Variants in CBLN2 observed in about 807,000 individuals in gnomAD.
CBLN2 encodes the protein cerebellin 2 precursor, also known as cerebellin-2.
In CBLN2, 7 loss-of-function variants were observed where a neutral mutation model predicts 15.0. The observed-to-expected ratio is 0.47, with a 90% CI of 0.27 to 0.88. The LOEUF (loss-of-function observed/expected upper bound fraction) is 0.88. CBLN2 is among the 40% of genes least tolerant of loss of function. The probability of loss-of-function intolerance (pLI) is 0.14; values close to 1 mark genes in which losing one functional copy is unlikely to be tolerated. For synonymous variants in CBLN2, 149 were observed against 135.2 expected (o/e 1.10, Z -0.71); for missense variants, 242 against 304.5 (o/e 0.79, Z 1.53).
chr18:72,600,463 A>G (rs1384345729), intron 1 of CBLN2, among the ~76,000 whole-genome samples: 2 of 152,222 alleles, frequency 1.3e-5, no homozygotes, highest in Non-Finnish European at 2.9e-5. Context: ...TGGCAAGGCT[A>G]AATGTGAGAC....
intron 1 of CBLN2, among the ~76,000 whole-genome samples, chr18:72,615,615 A>G (rs1412877686): frequency 2.6e-5 from 4 of 152,152 alleles, no homozygotes; most frequent in African/African-American, 4.8e-5. Flanking sequence ...GAAGGTATAG[A>G]AAATGCTTCT....
chr18:72,615,557 G>A (rs767549173), intron 1 of CBLN2, among the ~76,000 whole-genome samples: 13 of 151,978 alleles, frequency 8.6e-5, no homozygotes, highest in South Asian at 2.1e-4. Flanking sequence ...GATTGCAGGC[G>A]TGAGCCACCG....
At chr18:72,582,489 C>T (rs568799662) in intron 1 of CBLN2, among the ~76,000 whole-genome samples, 6 of 152,250 alleles carry the variant, frequency 3.9e-5, no homozygotes, top group African/African-American at 1.4e-4. Flanking sequence ...TTCTGGGAAG[C>T]AGAAACATAC....
rs1417986695 is a variant in CBLN2, at chr18:72,537,867, A to G, written c.*309T>C. On this transcript the variant is annotated 3_prime_UTR_variant, in exon 5 of 5. Transcript: ENST00000269503. ...TACAACATACAAACAAAAGAGGTCC[A>G]TGGTCCCAACAATAAAATCCGATAT... is the stretch of plus-strand genomic sequence containing the variant. 2.5e-6 allele frequency: 1 copy of G among 399,978 alleles called. No individual in the cohort carries two copies. The highest frequency in any genetic ancestry group is 2.0e-5 in the African/African-American group (1 of 49,196). The allele number at this position is 399,978 out of a possible 1,614,324, so 24.8% of individuals were successfully genotyped here.
At chr18:72,594,541 G>A (rs141086285) in intron 1 of CBLN2, among the ~76,000 whole-genome samples, 81 of 150,790 alleles carry the variant, frequency 5.4e-4, no homozygotes, top group African/African-American at 1.7e-3. Context: ...TCTGTGTCTC[G>A]GTATAGTTTG....
At chr18:72,608,139 C>T (rs2069596234) in intron 1 of CBLN2, among the ~76,000 whole-genome samples, 1 of 152,156 alleles carries the variant, frequency 6.6e-6, no homozygotes, top group South Asian at 2.1e-4. Context: ...ACAGTTCCCA[C>T]ACTACTTTTC....
chr18:72,633,147 C>A (rs1418022164), intron 1 of CBLN2, among the ~76,000 whole-genome samples: 1 of 152,130 alleles, frequency 6.6e-6, no homozygotes, highest in Non-Finnish European at 1.5e-5. Context: ...TTCATTATCA[C>A]CTTTTCTCTC....
chr18:72,618,985 G>A lies in CBLN2; in HGVS notation c.15+19340C>T, dbSNP rs192406594. 1.7e-3 allele frequency: 1,328 copies of A among 764,628 alleles called. 4 individuals carry two copies. The highest frequency in any genetic ancestry group is 3.0e-3 in the East Asian group (120 of 39,464). 47.4% of individuals were successfully genotyped at this position (764,628 alleles called of 1,614,324 possible). ...TGGTGATGGTGGATATGGTGGCAGC[G>A]GGGATGGTCATCATGGATTTGGTAA... On this transcript the variant is annotated intron_variant, in intron 1 of 2. Coordinates refer to the CBLN2 transcript ENST00000581073.
rs536387740 is a variant in CBLN2, at chr18:72,538,547, G to A, written c.477+106C>T. The stretch of plus-strand genomic sequence containing the variant: ...TCAGAGCCACATCACCCCCTGGACA[G>A]ACCAGTACCCTGTCTCCCTCAGCCT... On this transcript the variant is annotated intron_variant, in intron 4 of 4. Transcript: ENST00000269503. 2.0e-5 allele frequency: 30 copies of A among 1,515,624 alleles called. 2 individuals carry two copies. The South Asian group carries it at 3.5e-4, about 18-fold the overall frequency. The allele number at this position is 1,515,624 out of a possible 1,614,324, so 93.9% of individuals were successfully genotyped here.
At position 72,537,853 on chromosome 18, in the gene CBLN2, A is replaced by G; in HGVS notation, c.*323T>C. On this transcript the variant is annotated 3_prime_UTR_variant, in exon 5 of 5. Coordinates refer to ENST00000269503, the MANE Select transcript of CBLN2 (RefSeq NM_182511.4). Reference sequence around the variant, plus strand: ...CGTTGGGACGACAATACAACATACAAACAAAAGAGGTCCATGGTCCCAACA... The same window carrying G: ...CGTTGGGACGACAATACAACATACAGACAAAAGAGGTCCATGGTCCCAACA... 1 of 371,266 alleles carries G rather than the reference A, an allele frequency of 2.7e-6. No individual in the cohort carries two copies. Among genetic ancestry groups the G allele is most frequent in the East Asian group, 6.3e-5 (1 of 15,928 alleles). The allele number at this position is 371,266 out of a possible 1,614,324, so 23.0% of individuals were successfully genotyped here.
chr18:72,584,225 A>G (rs2069425766), intron 1 of CBLN2, among the ~76,000 whole-genome samples: 1 of 152,004 alleles, frequency 6.6e-6, no homozygotes, highest in African/African-American at 2.4e-5. Flanking sequence ...GGCTTTCATG[A>G]ACTCTTAGTC....
chr18:72,619,673 A>G (rs937210746), intron 1 of CBLN2, among the ~76,000 whole-genome samples: 17 of 152,194 alleles, frequency 1.1e-4, no homozygotes, highest in African/African-American at 3.9e-4. Context: ...TTGATTATTT[A>G]TGAAAACAAA....
At chr18:72,547,538 A>G (rs1469300365), upstream of CBLN2, among the ~76,000 whole-genome samples, 1 of 152,120 alleles carries the variant, frequency 6.6e-6, no homozygotes, top group African/African-American at 2.4e-5. Context: ...GCAATTTCTA[A>G]TTTTTATTTA....
At chr18:72,549,392 C>A (rs540254491) in intron 1 of CBLN2, among the ~76,000 whole-genome samples, 57 of 152,262 alleles carry the variant, frequency 3.7e-4, no homozygotes, top group African/African-American at 1.3e-3. Flanking sequence ...CTATTTTTTT[C>A]TATTCTTGTG....
At chr18:72,564,989 CAT>C (rs2069285158) in intron 1 of CBLN2, among the ~76,000 whole-genome samples, 2 of 152,128 alleles carry the variant, frequency 1.3e-5, no homozygotes, top group Admixed American at 1.3e-4. Context: ...AACGAGAAGA[CAT>C]AAAGTGTTGT....
At chr18:72,542,358 C>T (rs2069122450) in intron 2 of CBLN2, 32 bp from the exon 3 acceptor site, 3 of 279,446 alleles carry the variant, frequency 1.1e-5, no homozygotes, top group East Asian at 1.8e-4. Context: ...AGCCTTACAC[C>T]GGGAGGTGGA....
chr18:72,542,909 C>CCCCACA (rs1555700263), intron 2 of CBLN2: 2 of 131,652 alleles, frequency 1.5e-5, no homozygotes, highest in Non-Finnish European at 3.2e-5. Flanking sequence ...GGAAATGACA[C>CCCCACA]CACACACACA....
rs566586496 is a variant in CBLN2 at position 72,540,949 on chromosome 18, T to C, written c.357+855A>G. ...TAAAGCTTGGAAACCTCTATAATGTTTTTAATTATTTTTCTGAAAAACAAC... is the reference window on the plus strand; with the variant it reads ...TAAAGCTTGGAAACCTCTATAATGTCTTTAATTATTTTTCTGAAAAACAAC... On this transcript the variant is annotated intron_variant, in intron 3 of 4. Transcript: ENST00000269503. Among the ~76,000 whole-genome samples the C allele has an allele frequency of 2.0e-5, 3 of 152,332 alleles. No homozygotes were observed. In the East Asian group the frequency reaches 5.8e-4, roughly 29 times the overall value.
At chr18:72,550,950 A>C (rs531267638) in intron 1 of CBLN2, among the ~76,000 whole-genome samples, 1 of 152,244 alleles carries the variant, frequency 6.6e-6, no homozygotes, top group East Asian at 1.9e-4. Flanking sequence ...CAGCTCTGCT[A>C]TGGTGCCTAT....
Sources: allele counts gnomAD v4.1 joint callset (sites outside exome capture counted in the v4.1 genomes callset), GRCh38; gene constraint gnomAD v4.1.1; transcripts MANE v1.5; gene names NCBI Gene and HGNC (gene_info 2026-07-23, HGNC 2026-07-21).